The following OPHN1 variants were observed in gnomAD, a reference collection of about 807,000 sequenced individuals.
OPHN1 encodes oligophrenin 1, also known as oligophrenin-1.
OPHN1 carries 11 observed loss-of-function variants against 60.7 expected under a neutral mutation model. That is an observed-to-expected ratio of 0.18 (90% CI 0.11 to 0.30). The LOEUF (loss-of-function observed/expected upper bound fraction) is 0.30, where lower values mean the gene tolerates loss of function less well. Among genes scored for constraint, OPHN1 ranks in the 10% least tolerant of loss-of-function variants. The pLI, the probability that OPHN1 is intolerant of heterozygous loss-of-function variation, is 1.00. For synonymous variants in OPHN1, 226 were observed against 222.6 expected, an observed-to-expected ratio of 1.02 and a Z score of -0.14; for missense variants, 449 against 611.0, an observed-to-expected ratio of 0.73 and a Z score of 2.80.
chrX:68,232,272 C>CA (rs2077732223), intron 6 of OPHN1, among the ~76,000 whole-genome samples: 1 of 111,522 alleles, frequency 9.0e-6, no homozygotes, highest in African/African-American at 3.3e-5. Context: ...GAGCAGGACT[C>CA]AAAGTACTCA....
chrX:68,195,056 AAGGAAGG>A (rs1311134507), intron 12 of OPHN1, among the ~76,000 whole-genome samples: 130 of 102,266 alleles, frequency 1.3e-3, no homozygotes, highest in Middle Eastern at 4.7e-3. Flanking sequence ...GGAAGGAAGG[AAGGAAGG>A]AAGAAAGAAA....
At chrX:68,186,347 G>A (rs1225461512) in intron 15 of OPHN1, among the ~76,000 whole-genome samples, 1 of 110,469 alleles carries the variant, frequency 9.1e-6, no homozygotes, top group Non-Finnish European at 1.9e-5. Context: ...TCAAAATGGG[G>A]GCTCTGGGGA....
At chrX:68,319,990 T>C (rs776875781) in intron 2 of OPHN1, among the ~76,000 whole-genome samples, 1 of 110,553 alleles carries the variant, frequency 9.0e-6, no homozygotes, top group Non-Finnish European at 1.9e-5. Flanking sequence ...CTGCAGAGGA[T>C]ATGTGGATGG....
At chrX:68,356,274 C>A (rs2078440232) in intron 2 of OPHN1, among the ~76,000 whole-genome samples, 1 of 110,981 alleles carries the variant, frequency 9.0e-6, no homozygotes, top group Non-Finnish European at 1.9e-5. Context: ...GGCTGATTTA[C>A]CCCCAAGCAA....
At chrX:68,262,863 A>AC (rs1233135038) in intron 5 of OPHN1, among the ~76,000 whole-genome samples, 3 of 111,233 alleles carry the variant, frequency 2.7e-5, no homozygotes, top group Admixed American at 9.6e-5. Flanking sequence ...ACAGGACAGG[A>AC]CAGGACAGGA....
At chrX:68,084,256 T>C (rs1374912104) in intron 19 of OPHN1, among the ~76,000 whole-genome samples, 2 of 98,885 alleles carry the variant, frequency 2.0e-5, no homozygotes, top group Non-Finnish European at 4.0e-5. Context: ...GCAATTATCA[T>C]GAACCCTAAA....
chrX:68,288,038 G>T (rs1232741899), intron 3 of OPHN1, among the ~76,000 whole-genome samples: 1 of 111,537 alleles, frequency 9.0e-6, no homozygotes, highest in African/African-American at 3.3e-5. Context: ...TGAATATGTG[G>T]CCTGAAAAAG....
chrX:68,219,459 C>A (rs2077638909), intron 6 of OPHN1, among the ~76,000 whole-genome samples: 1 of 107,845 alleles, frequency 9.3e-6, no homozygotes, highest in African/African-American at 3.4e-5. Flanking sequence ...CTCTCCACCC[C>A]AAATCAACAG....
rs192277420 is a variant in OPHN1, at chrX:68,240,393, C to T, written c.385-5805G>A. 3.0e-3 allele frequency among the ~76,000 whole-genome samples: 338 copies of T among 111,370 alleles called. 1 individual carries two copies. Among genetic ancestry groups the T allele is most frequent in the African/African-American group, 0.01 (319 of 30,695 alleles). ...TTAAAATTTTTGGGGACCACTTTTT[C>T]TGAGGGAGTGAAGGGGAGGGGAAGT... On this transcript the variant is annotated intron_variant, in intron 5 of 24. Coordinates refer to ENST00000355520, the MANE Select transcript of OPHN1 (RefSeq NM_002547.3).
intron 2 of OPHN1, among the ~76,000 whole-genome samples, chrX:68,382,633 C>T (rs751584922): frequency 7.2e-5 from 8 of 110,946 alleles, no homozygotes; most frequent in South Asian, 3.9e-4. Flanking sequence ...AAGAGTAGGC[C>T]GTCTTCATAA....
chrX:68,130,422 T>C (rs1168802158), intron 15 of OPHN1, among the ~76,000 whole-genome samples: 1 of 111,700 alleles, frequency 9.0e-6, no homozygotes, highest in Non-Finnish European at 1.9e-5. Context: ...TTTTGGCAAA[T>C]CTACCCAAAG....
At chrX:68,317,591 G>GAAAGAAAGAA (rs1569278498) in intron 2 of OPHN1, among the ~76,000 whole-genome samples, 2 of 82,063 alleles carry the variant, frequency 2.4e-5, no homozygotes, top group African/African-American at 1.4e-4. Context: ...GAAAGAAAGA[G>GAAAGAAAGAA]AGAGAAAGAA....
chrX:68,101,375 T>C (rs1335227081), intron 18 of OPHN1, among the ~76,000 whole-genome samples: 1 of 112,079 alleles, frequency 8.9e-6, no homozygotes, highest in Non-Finnish European at 1.9e-5. Context: ...GCCTGATAAG[T>C]GTAATTTTAA....
intron 2 of OPHN1, among the ~76,000 whole-genome samples, chrX:68,423,888 C>T (rs950220746): frequency 5.2e-4 from 58 of 111,671 alleles, no homozygotes; most frequent in African/African-American, 1.6e-3. Context: ...TACTATGGGC[C>T]AGTCATGGTG....
At chrX:68,347,652 A>T (rs903197572) in intron 2 of OPHN1, among the ~76,000 whole-genome samples, 4 of 109,688 alleles carry the variant, frequency 3.6e-5, no homozygotes, top group South Asian at 3.9e-4. Context: ...TTTCCTGATT[A>T]AAAAAAAATG....
intron 2 of OPHN1, among the ~76,000 whole-genome samples, chrX:68,381,121 C>T (rs1430668843): frequency 1.8e-5 from 2 of 111,714 alleles, no homozygotes; most frequent in African/African-American, 3.3e-5. Flanking sequence ...AGCTCTCCTT[C>T]TCTTAGGCAA....
intron 21 of OPHN1, among the ~76,000 whole-genome samples, chrX:68,054,757 T>C (rs778169750): frequency 4.1e-4 from 45 of 110,691 alleles, no homozygotes; most frequent in African/African-American, 1.4e-3. Flanking sequence ...AAAACAGGCA[T>C]ACAAAATAAT....
At chrX:68,402,256 G>A (rs1465533897) in intron 2 of OPHN1, among the ~76,000 whole-genome samples, 1 of 106,482 alleles carries the variant, frequency 9.4e-6, no homozygotes, top group Non-Finnish European at 1.9e-5. Flanking sequence ...CATGAGAGAG[G>A]AAAGAAAGAA....
intron 2 of OPHN1, among the ~76,000 whole-genome samples, chrX:68,418,422 G>A (rs1374772969): frequency 3.6e-5 from 4 of 111,094 alleles, no homozygotes; most frequent in Non-Finnish European, 7.5e-5. Flanking sequence ...ATTAGGAGGA[G>A]AGGCTCAAGG....
Sources: gnomAD v4.1 joint callset for allele counts (sites outside exome capture counted in the v4.1 genomes callset) on GRCh38, gnomAD v4.1.1 for gene constraint, MANE v1.5 for transcripts, NCBI Gene and HGNC (gene_info 2026-07-23, HGNC 2026-07-21) for gene names.